ERBB4: variants seen among roughly 807,000 people sequenced by gnomAD.
ERBB4 encodes erb-b2 receptor tyrosine kinase 4.
In ERBB4, 42 loss-of-function variants were observed where a neutral mutation model predicts 158.0. The observed-to-expected ratio is 0.27, with a 90% CI of 0.21 to 0.34. ERBB4 has a LOEUF of 0.34. Ranked by LOEUF, ERBB4 falls within the 10% of genes least tolerant of loss-of-function variation. ERBB4 has a pLI of 1.00. For missense variants in ERBB4, 1,333 were observed against 1,624.1 expected (o/e 0.82, Z 3.08); for synonymous variants, 583 against 558.7 (o/e 1.04, Z -0.61).
At chr2:211,663,001 A>G (rs1307819387) in intron 15 of ERBB4, among the ~76,000 whole-genome samples, 1 of 152,182 alleles carries the variant, frequency 6.6e-6, no homozygotes, top group Admixed American at 6.5e-5. Flanking sequence ...GAATAAAAAT[A>G]GTTACTTGCT....
At chr2:212,038,684 C>G (rs2077071130) in intron 2 of ERBB4, among the ~76,000 whole-genome samples, 2 of 152,078 alleles carry the variant, frequency 1.3e-5, no homozygotes, top group Admixed American at 6.6e-5. Context: ...ATCTATAAAT[C>G]ATGGTGTTAA....
chr2:211,679,861 G>A (rs1983399), intron 12 of ERBB4, among the ~76,000 whole-genome samples: 54,966 of 151,736 alleles, frequency 0.36, 10,883 homozygotes, highest in Middle Eastern at 0.51. Context: ...TGTATTTTTA[G>A]TAGAAACAGG....
chr2:212,306,776 T>C (rs553185541), intron 1 of ERBB4, among the ~76,000 whole-genome samples: 1 of 151,442 alleles, frequency 6.6e-6, no homozygotes, highest in African/African-American at 2.4e-5. Context: ...ATTCATATTG[T>C]TTTTGGAAAT....
rs147587110 is a variant in ERBB4, at chr2:211,982,138, A to G, written c.235-34522T>C. ...CTTCAAGGAAGATTTTAATAAATTT[A>G]TAAATATATATTGAGCTTCTTCAAT... On this transcript the variant is annotated intron_variant, in intron 2 of 27. Coordinates refer to ENST00000342788, the MANE Select transcript of ERBB4 (RefSeq NM_005235.3). Among the ~76,000 whole-genome samples the G allele has an allele frequency of 6.5e-4, 99 of 152,160 alleles. 1 individual carries two copies. Among genetic ancestry groups the G allele is most frequent in the African/African-American group, 2.3e-3 (96 of 41,588 alleles).
At chr2:212,321,266 A>G (rs2087556806) in intron 1 of ERBB4, among the ~76,000 whole-genome samples, 1 of 150,674 alleles carries the variant, frequency 6.6e-6, no homozygotes, top group Non-Finnish European at 1.5e-5. Context: ...TACGTTTATT[A>G]ACAAATTAAT....
At chr2:211,913,799 A>T (rs1437737825) in intron 3 of ERBB4, among the ~76,000 whole-genome samples, 2 of 151,790 alleles carry the variant, frequency 1.3e-5, no homozygotes, top group Non-Finnish European at 2.9e-5. Context: ...ATTGACTATG[A>T]GTGTATCAAT....
intron 1 of ERBB4, among the ~76,000 whole-genome samples, chr2:212,331,085 T>TATATATATATATACAC (rs2088142040): frequency 1.5e-5 from 1 of 65,940 alleles, no homozygotes; most frequent in African/African-American, 3.3e-5. Flanking sequence ...CATATATATA[T>TATATATATATATACAC]ATGCCCATAA....
At chr2:211,631,333 T>A (rs1259969349) in intron 16 of ERBB4, among the ~76,000 whole-genome samples, 2 of 152,156 alleles carry the variant, frequency 1.3e-5, no homozygotes, top group African/African-American at 4.8e-5. Context: ...GAAACTCTGA[T>A]TAGGGCAACT....
Position 212,453,145 on chromosome 2 carries a change from T to C in ERBB4, c.82+85304A>G, listed in dbSNP as rs569320425. On this transcript the variant is annotated intron_variant, in intron 1 of 27. Coordinates refer to ENST00000342788, the MANE Select transcript of ERBB4 (RefSeq NM_005235.3). ...ACCCACAGGATTGTTATGAGGATTT[T>C]CTGACTATAAAAATGTTATATGATG... Among the ~76,000 whole-genome samples, 12 of 152,322 alleles carry C rather than the reference T, an allele frequency of 7.9e-5. No individual in the cohort carries two copies. In the East Asian group the frequency reaches 2.3e-3, roughly 29 times the overall value.
intron 20 of ERBB4, among the ~76,000 whole-genome samples, chr2:211,485,620 G>A (rs1467732315): frequency 1.3e-5 from 2 of 150,416 alleles, no homozygotes; most frequent in African/African-American, 4.9e-5. Context: ...TTATATGTAT[G>A]TCTTGTCTCC....
At chr2:211,432,092 A>T (rs892378030) in intron 20 of ERBB4, among the ~76,000 whole-genome samples, 1 of 152,192 alleles carries the variant, frequency 6.6e-6, no homozygotes, top group Non-Finnish European at 1.5e-5. Context: ...GTTAGGGGAA[A>T]TTCTATATTT....
At chr2:212,254,443 A>G (rs947958648) in intron 1 of ERBB4, among the ~76,000 whole-genome samples, 2 of 152,150 alleles carry the variant, frequency 1.3e-5, no homozygotes, top group African/African-American at 4.8e-5. Flanking sequence ...GGCAATGAAC[A>G]TTTTGCTATG....
chr2:211,683,171 C>T lies in ERBB4; in HGVS notation c.1490-3987G>A, dbSNP rs192169163. Among the ~76,000 whole-genome samples, 484 of 151,860 alleles carry T rather than the reference C, an allele frequency of 3.2e-3. 2 individuals carry two copies. Among genetic ancestry groups the T allele is most frequent in the African/African-American group, 0.011 (440 of 41,462 alleles). The stretch of plus-strand genomic sequence containing the variant: ...TTGTAAGTAATGATACAGAGAGATA[C>T]CGTGTTATAGATACCCAGTTTTATC... On this transcript the variant is annotated intron_variant, in intron 12 of 27. Coordinates refer to ENST00000342788, the MANE Select transcript of ERBB4 (RefSeq NM_005235.3).
intron 14 of ERBB4, among the ~76,000 whole-genome samples, chr2:211,671,146 A>G (rs1034868972): frequency 6.6e-6 from 1 of 152,190 alleles, no homozygotes; most frequent in African/African-American, 2.4e-5. Flanking sequence ...AAGAAAGGCC[A>G]AAATATTATT....
chr2:211,774,058 T>C (rs113209134), intron 4 of ERBB4, among the ~76,000 whole-genome samples: 64 of 151,404 alleles, frequency 4.2e-4, no homozygotes, highest in African/African-American at 1.5e-3. Flanking sequence ...AGATGCTCTG[T>C]GGTCACCCCA....
chr2:212,002,032 A>G (rs17337063), intron 2 of ERBB4, among the ~76,000 whole-genome samples: 2,304 of 152,290 alleles, frequency 0.015, 26 homozygotes, highest in Non-Finnish European at 0.021. Context: ...CACATATTTG[A>G]ATGTTACTGA....
intron 1 of ERBB4, among the ~76,000 whole-genome samples, chr2:212,297,766 A>G (rs1331616357): frequency 6.6e-6 from 1 of 151,726 alleles, no homozygotes; most frequent in South Asian, 2.1e-4. Flanking sequence ...GCATACTCAA[A>G]TCTAATTTTA....
intron 18 of ERBB4, among the ~76,000 whole-genome samples, chr2:211,619,951 C>T (rs2069535430): frequency 6.6e-6 from 1 of 151,856 alleles, no homozygotes; most frequent in Admixed American, 6.6e-5. Flanking sequence ...TTATATTGGC[C>T]GTTGTTAGTT....
intron 5 of ERBB4, among the ~76,000 whole-genome samples, chr2:211,731,814 T>TA (rs2074435042): frequency 6.6e-6 from 1 of 152,150 alleles, no homozygotes; most frequent in Non-Finnish European, 1.5e-5. Flanking sequence ...AGAGCATGTG[T>TA]AAAAAATCAG....
Sources: allele counts gnomAD v4.1 joint callset (sites outside exome capture counted in the v4.1 genomes callset), GRCh38; gene constraint gnomAD v4.1.1; transcripts MANE v1.5; gene names NCBI Gene and HGNC (gene_info 2026-07-23, HGNC 2026-07-21).